The following SH3BP4 variants were observed in gnomAD, a reference collection of about 807,000 sequenced individuals.
The protein encoded by SH3BP4 is SH3 domain binding protein 4.
SH3BP4 carries 33 observed loss-of-function variants against 65.5 expected under a neutral mutation model. The observed-to-expected ratio is 0.50, with a 90% confidence interval of 0.38 to 0.67. The LOEUF is 0.67. SH3BP4 is among the 30% of genes least tolerant of loss of function. SH3BP4 has a pLI of 0.00. For synonymous variants in SH3BP4, 552 were observed against 545.5 expected (o/e 1.01, Z -0.17); for missense variants, 1,134 against 1,261.4 (o/e 0.90, Z 1.53).
chr2:234,977,043 G>C lies in SH3BP4; in HGVS notation c.-206-18260G>C, dbSNP rs970942646. Among the ~76,000 whole-genome samples the C allele has an allele frequency of 6.6e-6, 1 of 152,254 alleles. No homozygotes were observed. The highest frequency in any genetic ancestry group is 2.1e-4 in the South Asian group (1 of 4,836). The stretch of plus-strand genomic sequence containing the variant: ...CCTGTAAGACACTCACAGGGAAGCC[G>C]GGTGGCGGGAGGCCTGTGGGAATTC... On this transcript the variant is annotated intron_variant, in intron 1 of 5. Transcript: ENST00000392011. The surrounding 1 kb of genome is among the most constrained non-coding windows in gnomAD (Gnocchi z 5.1).
chr2:235,047,051 A>G (rs1223962543), intron 4 of SH3BP4, among the ~76,000 whole-genome samples: 1 of 152,216 alleles, frequency 6.6e-6, no homozygotes, highest in Non-Finnish European at 1.5e-5. Context: ...TCATTTGGAA[A>G]GGAGAGCCTC....
chr2:235,039,595 G>A (rs555921611), intron 3 of SH3BP4, among the ~76,000 whole-genome samples: 1 of 152,082 alleles, frequency 6.6e-6, no homozygotes, highest in African/African-American at 2.4e-5. Flanking sequence ...TTTGGGAGGT[G>A]GGGGAGGGGA....
At chr2:234,957,549 G>A (rs1574770255) in intron 1 of SH3BP4, among the ~76,000 whole-genome samples, 1 of 151,520 alleles carries the variant, frequency 6.6e-6, no homozygotes, top group Non-Finnish European at 1.5e-5. Context: ...GGGTACTACT[G>A]AGTAACCGAA....
chr2:235,014,452 T>C (rs1342051526), intron 2 of SH3BP4, among the ~76,000 whole-genome samples: 1 of 152,204 alleles, frequency 6.6e-6, no homozygotes, highest in Non-Finnish European at 1.5e-5. Flanking sequence ...TGTCCCAGCC[T>C]TCTCAGTTTT....
At position 234,977,724 on chromosome 2, in the gene SH3BP4, A is replaced by AC. The variant is rs1693211018; in HGVS notation, c.-206-17579_-206-17578insC. ...CACCGAGGCACCTGCTCCGTAGATG[A>AC]TTTTTTTTTGCTTATGCAGTTAGTG... is the stretch of plus-strand genomic sequence containing the variant. On this transcript the variant is annotated intron_variant, in intron 1 of 5. Transcript: ENST00000392011. The surrounding 1 kb of genome is among the most constrained non-coding windows in gnomAD (Gnocchi z 5.1). 6.6e-6 allele frequency among the ~76,000 whole-genome samples: 1 copy of AC among 151,108 alleles called. No individual in the cohort carries two copies. The highest frequency in any genetic ancestry group is 6.6e-5 in the Admixed American group (1 of 15,166).
chr2:235,035,231 A>C lies in SH3BP4; in HGVS notation c.118+111A>C. 1.2e-6 allele frequency: 1 copy of C among 811,176 alleles called. No individual in the cohort carries two copies. Among genetic ancestry groups the C allele is most frequent in the South Asian group, 1.4e-5 (1 of 70,016 alleles). 50.2% of individuals were successfully genotyped at this position (811,176 alleles called of 1,614,324 possible). A position where few individuals can be genotyped will look rare whatever the true frequency, so the allele number is the denominator to read the frequency against. ...TTGCCAGTTTAGCATTCAGATAGTT[A>C]AAGTTTAGTTCTTTAAACTTCATCA... On this transcript the variant is annotated intron_variant, in intron 3 of 5. Transcript: ENST00000392011. This position sits in a 1 kb window ranked among gnomAD's most constrained non-coding sequence, Gnocchi z 5.0.
chr2:235,026,335 G>A lies in SH3BP4; in HGVS notation c.-132-8536G>A, dbSNP rs1182363193. ...CATCTCACTTTTTACAATAAAAACT[G>A]AGCAAGCAAGGAACACCTAGTGACG... On this transcript the variant is annotated intron_variant, in intron 2 of 5. Coordinates refer to ENST00000392011, the MANE Select transcript of SH3BP4 (RefSeq NM_014521.3). The surrounding 1 kb of genome is among the most constrained non-coding windows in gnomAD (Gnocchi z 4.6). 6.6e-6 allele frequency among the ~76,000 whole-genome samples: 1 copy of A among 152,154 alleles called. No individual in the cohort carries two copies. Among genetic ancestry groups the A allele is most frequent in the Non-Finnish European group, 1.5e-5 (1 of 68,030 alleles).
intron 1 of SH3BP4, among the ~76,000 whole-genome samples, chr2:234,985,456 G>T (rs1693519325): frequency 6.6e-6 from 1 of 152,322 alleles, no homozygotes; most frequent in East Asian, 1.9e-4. Context: ...TTGTGCACAA[G>T]CATTTTTGAC....
chr2:235,004,809 G>A (rs1361731618), intron 2 of SH3BP4, among the ~76,000 whole-genome samples: 1 of 152,168 alleles, frequency 6.6e-6, no homozygotes, highest in South Asian at 2.1e-4. Context: ...GCCACCTTCT[G>A]GCTGTTGTGA....
At chr2:234,982,356 C>A (rs1019130987) in intron 1 of SH3BP4, among the ~76,000 whole-genome samples, 1 of 152,058 alleles carries the variant, frequency 6.6e-6, no homozygotes, top group African/African-American at 2.4e-5. Flanking sequence ...GGGCTGGGGT[C>A]GTGTGCCCAC....
At chr2:235,036,622 G>C (rs1039550788) in intron 3 of SH3BP4, among the ~76,000 whole-genome samples, 1 of 151,852 alleles carries the variant, frequency 6.6e-6, no homozygotes, top group African/African-American at 2.4e-5. Flanking sequence ...AGGCATGGTG[G>C]AGCGTGCCTG....
chr2:234,966,830 G>A (rs920394534), intron 1 of SH3BP4, among the ~76,000 whole-genome samples: 1 of 152,180 alleles, frequency 6.6e-6, no homozygotes. Context: ...TGTGAACGTT[G>A]CCTGTCTGGC....
intron 1 of SH3BP4, among the ~76,000 whole-genome samples, chr2:234,975,255 G>A (rs894274121): frequency 6.6e-6 from 1 of 152,186 alleles, no homozygotes. Context: ...CAGGACGACA[G>A]ACGTGTCACT....
intron 2 of SH3BP4, among the ~76,000 whole-genome samples, chr2:235,000,703 G>A (rs1226341021): frequency 6.6e-6 from 1 of 152,220 alleles, no homozygotes; most frequent in African/African-American, 2.4e-5. Flanking sequence ...GGGTCAGAGG[G>A]ACTTGAAAGA....
At chr2:234,987,734 G>A (rs773969509) in intron 1 of SH3BP4, among the ~76,000 whole-genome samples, 2 of 152,186 alleles carry the variant, frequency 1.3e-5, no homozygotes, top group Non-Finnish European at 2.9e-5. Context: ...CCACAGTAGA[G>A]TCCAGAATGA....
chr2:234,976,120 A>G lies in SH3BP4; in HGVS notation c.-206-19183A>G, dbSNP rs999004751. Reference sequence around the variant, plus strand: ...ATGTGTGTGGTTGTATCTTCTAGGGACAGGGGCCCTGGCTTTCATCTAGTG... The same window carrying G: ...ATGTGTGTGGTTGTATCTTCTAGGGGCAGGGGCCCTGGCTTTCATCTAGTG... On this transcript the variant is annotated intron_variant, in intron 1 of 5. Transcript: ENST00000392011. This position sits in a 1 kb window ranked among gnomAD's most constrained non-coding sequence, Gnocchi z 4.7. Among the ~76,000 whole-genome samples, 3 of 152,042 alleles carry G rather than the reference A, an allele frequency of 2.0e-5. No homozygotes were observed. Among genetic ancestry groups the G allele is most frequent in the Non-Finnish European group, 2.9e-5 (2 of 68,034 alleles).
At chr2:234,953,783 G>A (rs1692529595) in intron 1 of SH3BP4, among the ~76,000 whole-genome samples, 1 of 152,032 alleles carries the variant, frequency 6.6e-6, no homozygotes, top group Non-Finnish European at 1.5e-5. Flanking sequence ...CAGACTCCAG[G>A]AATGTCCAGT....
At position 235,026,292 on chromosome 2, in the gene SH3BP4, G is replaced by A. The variant is rs1694999526; in HGVS notation, c.-132-8579G>A. ...GGCCAGTGAAAACATCTGGAATCAT[G>A]ACTCCAGCCGCGCTAGCCATCTCAC... is the stretch of plus-strand genomic sequence containing the variant. On this transcript the variant is annotated intron_variant, in intron 2 of 5. Coordinates refer to ENST00000392011, the MANE Select transcript of SH3BP4 (RefSeq NM_014521.3). The surrounding 1 kb of genome is among the most constrained non-coding windows in gnomAD (Gnocchi z 4.6). Among the ~76,000 whole-genome samples, 1 of 152,108 alleles carries A rather than the reference G, an allele frequency of 6.6e-6. No homozygotes were observed. Among genetic ancestry groups the A allele is most frequent in the African/African-American group, 2.4e-5 (1 of 41,404 alleles).
chr2:235,010,357 C>G (rs1313467875), intron 2 of SH3BP4, among the ~76,000 whole-genome samples: 1 of 152,180 alleles, frequency 6.6e-6, no homozygotes, highest in African/African-American at 2.4e-5. Context: ...GCCCGCAGGG[C>G]AAGATGCACA....
Sources: allele counts gnomAD v4.1 joint callset (sites outside exome capture counted in the v4.1 genomes callset), GRCh38; gene constraint gnomAD v4.1.1; non-coding constraint Gnocchi (gnomAD v3.1); transcripts MANE v1.5; gene names NCBI Gene and HGNC (gene_info 2026-07-23, HGNC 2026-07-21).